P2RX4: variants seen among roughly 807,000 people sequenced by gnomAD.
P2RX4 encodes P2X purinoceptor 4.
A neutral mutation model predicts 48.0 loss-of-function variants in P2RX4; 37 were observed. The ratio of observed to expected loss-of-function variants is 0.77; its 90% confidence interval spans 0.59 to 1.01. P2RX4 has a LOEUF of 1.01. P2RX4 is among the 50% of genes least tolerant of loss of function. P2RX4 has a pLI of 0.00. For synonymous variants in P2RX4, 200 were observed against 199.7 expected, an observed-to-expected ratio of 1.00 and a Z score of -0.01; for missense variants, 501 against 521.4, an observed-to-expected ratio of 0.96 and a Z score of 0.38.
Position 121,233,509 on chromosome 12 carries a change from G to A in P2RX4, c.1141-14G>A. ...CCCAGGGGCACCTTGATCTGCTTGT[G>A]TCCTTCTTTGCAGGGTCTTGCTAGT... On this transcript the variant is annotated splice_polypyrimidine_tract_variant and intron_variant, in intron 11 of 11. Transcript: ENST00000337233. 6.2e-7 allele frequency: 1 copy of A among 1,605,704 alleles called. No homozygotes were observed. The highest frequency in any genetic ancestry group is 1.7e-4 in the Middle Eastern group (1 of 6,056).
In P2RX4 at chr12:121,222,100, G is replaced by A. The variant is rs1251003650; in HGVS notation, c.361G>A (p.Asp121Asn). The change falls in exon 4 of 12, where the codon GAT becomes AAT. Residue 121 changes from aspartate (D) to asparagine (N), a missense_variant. By Grantham distance (23) the Asp-to-Asn change is conservative (BLOSUM62 1). This residue lies in a region of P2RX4 where 295 missense variants were observed against 275.3 expected (regional missense o/e 1.07). Transcript: ENST00000337233. Reference protein sequence around the residue: ...QTQGLCPEIPDATTVCKSDAS... With the variant: ...QTQGLCPEIPNATTVCKSDAS... ...TCGCTCCTTCTTTTTCCAGATTCCA[G>A]ATGCGACCACTGTGTGTAAATCAGA... The A allele has an allele frequency of 6.2e-7, 1 of 1,613,288 alleles. No homozygotes were observed. The highest frequency in any genetic ancestry group is 1.7e-5 in the Admixed American group (1 of 60,018).
At chr12:121,224,717 T>C (rs547041046) in intron 5 of P2RX4, among the ~76,000 whole-genome samples, 3 of 152,126 alleles carry the variant, frequency 2.0e-5, no homozygotes, top group African/African-American at 7.2e-5. Flanking sequence ...CTGTGCTTCA[T>C]GGGGTGGAGT....
At chr12:121,220,793 A>T (rs1204432307) in intron 2 of P2RX4, among the ~76,000 whole-genome samples, 6 of 152,050 alleles carry the variant, frequency 3.9e-5, no homozygotes, top group Admixed American at 2.0e-4. Flanking sequence ...ACCACTCCCC[A>T]TTCCCCACTT....
chr12:121,231,833 G>A (rs1373010088), intron 8 of P2RX4, among the ~76,000 whole-genome samples: 1 of 151,858 alleles, frequency 6.6e-6, no homozygotes, highest in Admixed American at 6.6e-5. Flanking sequence ...GTGAAACCCC[G>A]TCTCTACTAA....
At chr12:121,220,201 C>T (rs1289066604) in intron 2 of P2RX4, among the ~76,000 whole-genome samples, 1 of 152,084 alleles carries the variant, frequency 6.6e-6, no homozygotes, top group Non-Finnish European at 1.5e-5. Context: ...TTTTATTCCT[C>T]TGAGATAATC....
chr12:121,211,660 T>C (rs1433114431), intron 1 of P2RX4, among the ~76,000 whole-genome samples: 2 of 152,022 alleles, frequency 1.3e-5, no homozygotes, highest in Non-Finnish European at 2.9e-5. Context: ...CTGGAAATCT[T>C]TGGCTCCCAT....
At chr12:121,212,806 A>ATTTTTTTTT (rs1885951534) in intron 1 of P2RX4, 2 of 30,306 alleles carry the variant, frequency 6.6e-5, no homozygotes, top group African/African-American at 3.0e-4. Context: ...ATATATATAT[A>ATTTTTTTTT]TATATATATA....
intron 2 of P2RX4, among the ~76,000 whole-genome samples, chr12:121,219,765 G>A (rs547339631): frequency 6.6e-6 from 1 of 151,996 alleles, no homozygotes; most frequent in Admixed American, 6.6e-5. Context: ...ACAGATGATA[G>A]GATAGATTAG....
chr12:121,221,802 G>A (rs1003708118), intron 2 of P2RX4, 111 bp from the exon 3 acceptor site: 15 of 825,430 alleles, frequency 1.8e-5, no homozygotes, highest in East Asian at 9.7e-5. Context: ...GGGAGAGAGC[G>A]GGAGAGCACG....
rs552357822 is a variant in P2RX4, at chr12:121,233,003, G to A, written c.1051G>A (p.Val351Met). 4.9e-5 allele frequency: 79 copies of A among 1,611,700 alleles called. No homozygotes were observed. Among genetic ancestry groups the A allele is most frequent in the Non-Finnish European group, 6.2e-5 (73 of 1,177,846 alleles). Reference protein sequence around the residue: ...SGLALLGMATVLCDIIVLYCM... With the variant: ...SGLALLGMATMLCDIIVLYCM... ...CACCCTATGCTAAACTCAGGCGACC[G>A]TGCTGTGTGACATCATAGTCCTCTA... Residue 351 changes from valine (V) to methionine (M), a missense_variant, in exon 11 of 12, where the codon GTG becomes ATG. By Grantham distance (21) the Val-to-Met change is conservative. This residue lies in a region of P2RX4 where 197 missense variants were observed against 219.5 expected (regional missense o/e 0.90). Coordinates refer to ENST00000337233, the MANE Select transcript of P2RX4 (RefSeq NM_002560.3).
At chr12:121,230,076 A>T (rs930844945) in intron 8 of P2RX4, among the ~76,000 whole-genome samples, 2 of 152,022 alleles carry the variant, frequency 1.3e-5, no homozygotes, top group Non-Finnish European at 2.9e-5. Flanking sequence ...ATTTCCACGT[A>T]CCCTTTGTTG....
intron 5 of P2RX4, among the ~76,000 whole-genome samples, chr12:121,225,343 G>A (rs1886912671): frequency 1.3e-5 from 2 of 151,812 alleles, no homozygotes; most frequent in African/African-American, 4.8e-5. Flanking sequence ...CAAAGTGCTG[G>A]GATTATAGGT....
At chr12:121,233,295 G>C in intron 11 of P2RX4, 1 of 640,488 alleles carries the variant, frequency 1.6e-6, no homozygotes, top group Non-Finnish European at 2.8e-6. Context: ...TTTAAACCCA[G>C]CCTCGTTTCA....
chr12:121,221,343 G>GAATCAC (rs1454030342), intron 2 of P2RX4, among the ~76,000 whole-genome samples: 21 of 150,830 alleles, frequency 1.4e-4, no homozygotes, highest in Non-Finnish European at 1.3e-4. Context: ...ATTCATGGCT[G>GAATCAC]AATCACATTC....
chr12:121,226,360 A>G (rs1886974615), intron 5 of P2RX4, among the ~76,000 whole-genome samples: 1 of 151,878 alleles, frequency 6.6e-6, no homozygotes, highest in Non-Finnish European at 1.5e-5. Flanking sequence ...CCTGGCCAAC[A>G]TGGTGAAACC....
In P2RX4 at chr12:121,233,602, G is replaced by A; in HGVS notation, c.*53G>A. The A allele has an allele frequency of 1.3e-6, 2 of 1,588,880 alleles. No individual in the cohort carries two copies. Among genetic ancestry groups the A allele is most frequent in the East Asian group, 2.3e-5 (1 of 44,112 alleles). On this transcript the variant is annotated 3_prime_UTR_variant, in exon 12 of 12. Coordinates refer to ENST00000337233, the MANE Select transcript of P2RX4 (RefSeq NM_002560.3). ...AGCCCCATCAAAGAACAGAGAGGAG[G>A]AGGAGGGAGAAATGGCCACCACATC... is the stretch of plus-strand genomic sequence containing the variant.
chr12:121,229,168 C>T lies in P2RX4; in HGVS notation c.884+69C>T. The T allele has an allele frequency of 1.3e-6, 2 of 1,584,306 alleles. No individual in the cohort carries two copies. Among genetic ancestry groups the T allele is most frequent in the Non-Finnish European group, 1.7e-6 (2 of 1,154,770 alleles). ...TGGTGGCTGCGTACGTGCCAGTGGG[C>T]CGCCCACTGAAGACCAGCACTCAGG... On this transcript the variant is annotated intron_variant, in intron 8 of 11. Transcript: ENST00000337233. This position sits in a 1 kb window ranked among gnomAD's most constrained non-coding sequence, Gnocchi z 4.6.
chr12:121,212,295 G>T (rs1269640177), intron 1 of P2RX4, among the ~76,000 whole-genome samples: 1 of 152,012 alleles, frequency 6.6e-6, no homozygotes, highest in African/African-American at 2.4e-5. Flanking sequence ...CCCACACCCA[G>T]ATTTGGACTC....
chr12:121,210,503 G>A (rs970723157), intron 1 of P2RX4, among the ~76,000 whole-genome samples: 1 of 152,232 alleles, frequency 6.6e-6, no homozygotes, highest in Non-Finnish European at 1.5e-5. Flanking sequence ...GCCTGGGCCA[G>A]GCGCGGTGGC....
Sources: gnomAD v4.1 joint callset for allele counts (sites outside exome capture counted in the v4.1 genomes callset) on GRCh38, gnomAD v4.1.1 for gene constraint, gnomAD v4.1.1 regional missense constraint, Gnocchi (gnomAD v3.1) non-coding constraint, MANE v1.5 for transcripts, NCBI Gene and HGNC (gene_info 2026-07-23, HGNC 2026-07-21) for gene names.